The following SCHIP1 variants were observed in gnomAD, a reference collection of about 807,000 sequenced individuals.
SCHIP1 encodes schwannomin interacting protein 1, also known as schwannomin-interacting protein 1.
SCHIP1 carries 8 observed loss-of-function variants against 29.7 expected under a neutral mutation model. That is an observed-to-expected ratio of 0.27 (90% CI 0.16 to 0.49). SCHIP1 has a LOEUF of 0.49. Ranked by LOEUF, SCHIP1 falls within the 20% of genes least tolerant of loss-of-function variation. The pLI, the probability that SCHIP1 is intolerant of heterozygous loss-of-function variation, is 0.99. For missense variants in SCHIP1, 193 were observed against 294.6 expected (o/e 0.66, Z 2.52); for synonymous variants, 76 against 94.9 (o/e 0.80, Z 1.16).
At chr3:159,330,753 TC>T in the SCHIP1 span, among the ~76,000 whole-genome samples, 2 of 152,190 alleles carry the variant, frequency 1.3e-5, no homozygotes, top group African/African-American at 4.8e-5. Context: ...GTCCAGTATT[TC>T]CAGACAACTT....
the SCHIP1 span, among the ~76,000 whole-genome samples, chr3:159,654,004 CTATCATACAT>C: frequency 2.6e-5 from 4 of 152,172 alleles, no homozygotes; most frequent in Non-Finnish European, 5.9e-5. Flanking sequence ...CTAAAATATA[CTATCATACAT>C]TCTGGGGTAA....
chr3:159,438,680 C>G, the SCHIP1 span, among the ~76,000 whole-genome samples: 1 of 152,200 alleles, frequency 6.6e-6, no homozygotes, highest in East Asian at 1.9e-4. Flanking sequence ...TGTGTTGTTT[C>G]CCCCATGTGT....
the SCHIP1 span, among the ~76,000 whole-genome samples, chr3:159,514,410 T>A: frequency 6.6e-6 from 1 of 152,202 alleles, no homozygotes; most frequent in African/African-American, 2.4e-5. Flanking sequence ...TATAATGAAT[T>A]ACTAACAAGC....
At chr3:159,463,441 CTGTT>C in the SCHIP1 span, among the ~76,000 whole-genome samples, 1 of 151,982 alleles carries the variant, frequency 6.6e-6, no homozygotes, top group Non-Finnish European at 1.5e-5. Context: ...GCCAAGTACT[CTGTT>C]TGATGTTTTA....
At chr3:159,830,261 T>C in the SCHIP1 span, among the ~76,000 whole-genome samples, 1 of 152,236 alleles carries the variant, frequency 6.6e-6, no homozygotes, top group Non-Finnish European at 1.5e-5. Context: ...AACAGCATCA[T>C]GTTCTCATTG....
At chr3:159,860,746 C>T (rs998194080) in intron 1 of SCHIP1, among the ~76,000 whole-genome samples, 1 of 152,202 alleles carries the variant, frequency 6.6e-6, no homozygotes, top group Non-Finnish European at 1.5e-5. Flanking sequence ...ACAACTGAAT[C>T]TTGTCCAGGC....
At chr3:159,604,809 C>A in the SCHIP1 span, among the ~76,000 whole-genome samples, 4 of 152,110 alleles carry the variant, frequency 2.6e-5, no homozygotes, top group Admixed American at 6.5e-5. Context: ...GACAGGTAAT[C>A]AGAGTTTTTA....
chr3:159,648,541 T>C, the SCHIP1 span, among the ~76,000 whole-genome samples: 1 of 152,306 alleles, frequency 6.6e-6, no homozygotes, highest in South Asian at 2.1e-4. Context: ...TGGTAGCTAA[T>C]AGTATTATTA....
At chr3:159,534,541 T>C in the SCHIP1 span, among the ~76,000 whole-genome samples, 1 of 152,092 alleles carries the variant, frequency 6.6e-6, no homozygotes, top group Admixed American at 6.5e-5. Flanking sequence ...TATGTGCTTC[T>C]CAAGTTGCCT....
chr3:159,581,183 C>G, the SCHIP1 span, among the ~76,000 whole-genome samples: 1 of 152,070 alleles, frequency 6.6e-6, no homozygotes, highest in Non-Finnish European at 1.5e-5. Context: ...ATAAGTGCAA[C>G]TAAAAATCCT....
chr3:159,429,503 T>C, the SCHIP1 span, among the ~76,000 whole-genome samples: 1 of 152,164 alleles, frequency 6.6e-6, no homozygotes, highest in Non-Finnish European at 1.5e-5. Flanking sequence ...TATTTGCCTT[T>C]CTAGCAGGCA....
the SCHIP1 span, among the ~76,000 whole-genome samples, chr3:159,804,235 A>T: frequency 6.6e-6 from 1 of 152,160 alleles, no homozygotes; most frequent in African/African-American, 2.4e-5. Context: ...TTAGAGACTG[A>T]TTTGGGCTGA....
At chr3:159,692,217 T>G in the SCHIP1 span, among the ~76,000 whole-genome samples, 1 of 152,126 alleles carries the variant, frequency 6.6e-6, no homozygotes, top group Non-Finnish European at 1.5e-5. Context: ...GTTGCTCTTC[T>G]CGAGGAGTAT....
chr3:159,573,459 G>A, the SCHIP1 span, among the ~76,000 whole-genome samples: 12 of 152,134 alleles, frequency 7.9e-5, no homozygotes, highest in Non-Finnish European at 1.5e-4. Context: ...TGGCTTGTAG[G>A]GTTTCTGCTG....
the SCHIP1 span, among the ~76,000 whole-genome samples, chr3:159,614,145 G>A: frequency 6.6e-6 from 1 of 151,880 alleles, no homozygotes. Flanking sequence ...AATATAAGTA[G>A]TGTGGTTCTA....
intron 2 of SCHIP1, among the ~76,000 whole-genome samples, chr3:159,884,213 G>C (rs1716729112): frequency 6.6e-6 from 1 of 152,012 alleles, no homozygotes; most frequent in Non-Finnish European, 1.5e-5. Flanking sequence ...TAGAACTTGA[G>C]TATTATTATT....
chr3:159,589,791 G>T, the SCHIP1 span, among the ~76,000 whole-genome samples: 1 of 152,106 alleles, frequency 6.6e-6, no homozygotes, highest in Non-Finnish European at 1.5e-5. Context: ...TGTTTACTGA[G>T]CAATATTCTG....
the SCHIP1 span, among the ~76,000 whole-genome samples, chr3:159,786,421 T>TTATTATTTGAGCCAAA: frequency 5.0e-4 from 76 of 152,348 alleles, no homozygotes; most frequent in African/African-American, 1.6e-3. Context: ...AGTTCTCAAA[T>TTATTATTTGAGCCAAA]TATTCAAATT....
chr3:159,672,453 G>A, the SCHIP1 span, among the ~76,000 whole-genome samples: 2 of 152,170 alleles, frequency 1.3e-5, no homozygotes, highest in Non-Finnish European at 2.9e-5. Flanking sequence ...TTCTAGCTAA[G>A]CCAAGAAAAA....
Sources: gnomAD v4.1 joint callset for allele counts (sites outside exome capture counted in the v4.1 genomes callset) on GRCh38, gnomAD v4.1.1 for gene constraint, MANE v1.5 for transcripts, NCBI Gene and HGNC (gene_info 2026-07-23, HGNC 2026-07-21) for gene names.